The following CRYBG1 variants were observed in gnomAD, a reference collection of about 807,000 sequenced individuals.
CRYBG1 encodes crystallin beta-gamma domain containing 1, also known as beta/gamma crystallin domain-containing protein 1.
In CRYBG1, 139 loss-of-function variants were observed where a neutral mutation model predicts 189.2. The ratio of observed to expected loss-of-function variants is 0.73; its 90% CI spans 0.64 to 0.85. CRYBG1 has a LOEUF of 0.85. Among genes scored for constraint, CRYBG1 ranks in the 40% least tolerant of loss-of-function variants. The probability of loss-of-function intolerance (pLI) is 0.00; values close to 1 mark genes in which losing one functional copy is unlikely to be tolerated. For synonymous variants in CRYBG1, 1,023 were observed against 1,017.1 expected, an observed-to-expected ratio of 1.01 and a Z score of -0.11; for missense variants, 2,611 against 2,675.8, an observed-to-expected ratio of 0.98 and a Z score of 0.53.
intron 1 of CRYBG1, among the ~76,000 whole-genome samples, chr6:106,415,336 T>C (rs112330585): frequency 1.3e-5 from 2 of 152,332 alleles, no homozygotes; most frequent in African/African-American, 4.8e-5. Context: ...TATATAAAAG[T>C]AATCTCCAGC....
intron 1 of CRYBG1, among the ~76,000 whole-genome samples, chr6:106,397,899 A>G (rs1342079571): frequency 6.6e-6 from 1 of 152,198 alleles, no homozygotes; most frequent in East Asian, 1.9e-4. Context: ...CTCAGTGTCA[A>G]TGGAAACTAT....
intron 1 of CRYBG1, among the ~76,000 whole-genome samples, chr6:106,428,877 A>T (rs1771275247): frequency 6.6e-6 from 1 of 152,212 alleles, no homozygotes; most frequent in African/African-American, 2.4e-5. Context: ...GCAGTAAGAG[A>T]TCAGGTGTTC....
intron 9 of CRYBG1, 146 bp downstream of exon 9, chr6:106,539,675 A>G: frequency 2.4e-6 from 2 of 844,966 alleles, no homozygotes; most frequent in Non-Finnish European, 3.5e-6. Context: ...GAAATCATGG[A>G]AAGAATAACT....
At position 106,569,739 on chromosome 6, in the gene CRYBG1, A is replaced by T. The variant is rs1775001174; in HGVS notation, c.*1173A>T. On this transcript the variant is annotated 3_prime_UTR_variant, in exon 22 of 22. Transcript: ENST00000633556. Reference sequence around the variant, plus strand: ...CTTGTCCTCCTATCCACCTGCATCCACACATGGCCTGCATGGGGCTGCCTT... The same window carrying T: ...CTTGTCCTCCTATCCACCTGCATCCTCACATGGCCTGCATGGGGCTGCCTT... 3 of 152,262 alleles carry T rather than the reference A, an allele frequency of 2.0e-5. No individual in the cohort carries two copies. Among genetic ancestry groups the T allele is most frequent in the African/African-American group, 7.2e-5 (3 of 41,554 alleles). The allele number at this position is 152,262 out of a possible 1,614,324, so 9.4% of individuals were successfully genotyped here. A position where few individuals can be genotyped will look rare whatever the true frequency, so the allele number is the denominator to read the frequency against.
intron 2 of CRYBG1, among the ~76,000 whole-genome samples, chr6:106,467,201 G>A (rs1454104284): frequency 6.6e-6 from 1 of 152,170 alleles, no homozygotes; most frequent in Non-Finnish European, 1.5e-5. Flanking sequence ...GGTGGCTTAT[G>A]TCTATAATCC....
chr6:106,542,416 G>A (rs1774154245), intron 10 of CRYBG1, among the ~76,000 whole-genome samples: 1 of 150,440 alleles, frequency 6.6e-6, no homozygotes, highest in African/African-American at 2.4e-5. Flanking sequence ...CTGAATAGCT[G>A]GGACTATAGG....
intron 2 of CRYBG1, among the ~76,000 whole-genome samples, chr6:106,508,884 A>C (rs1773184232): frequency 1.3e-5 from 2 of 151,690 alleles, no homozygotes; most frequent in Admixed American, 1.3e-4. Flanking sequence ...GTTGAAGAGC[A>C]AGCAACCAGT....
At chr6:106,534,018 G>C (rs907234815) in intron 8 of CRYBG1, among the ~76,000 whole-genome samples, 3 of 152,160 alleles carry the variant, frequency 2.0e-5, no homozygotes, top group Admixed American at 6.5e-5. Flanking sequence ...AAAAGAAAAT[G>C]CCTTCATCTC....
chr6:106,540,916 A>G (rs1774114197), intron 9 of CRYBG1, among the ~76,000 whole-genome samples: 1 of 151,996 alleles, frequency 6.6e-6, no homozygotes, highest in African/African-American at 2.4e-5. Context: ...CATTTCTCTG[A>G]TTTTAGTGAG....
intron 13 of CRYBG1, among the ~76,000 whole-genome samples, chr6:106,549,991 G>T (rs1444839684): frequency 6.6e-6 from 1 of 152,208 alleles, no homozygotes; most frequent in Non-Finnish European, 1.5e-5. Flanking sequence ...AGGAGAGCCT[G>T]GTGGGCCTCA....
chr6:106,472,924 AAG>A (rs1554238758), intron 2 of CRYBG1, among the ~76,000 whole-genome samples: 1 of 151,280 alleles, frequency 6.6e-6, no homozygotes, highest in African/African-American at 2.4e-5. Context: ...AAAAAAAAAA[AAG>A]AAAGTATATT....
chr6:106,475,550 T>C (rs78975834), intron 2 of CRYBG1, among the ~76,000 whole-genome samples: 9,154 of 152,250 alleles, frequency 0.06, 404 homozygotes, highest in East Asian at 0.13. Context: ...AGGCAAGCAC[T>C]ACGTGTGTTT....
At chr6:106,537,987 A>C (rs9486389) in intron 8 of CRYBG1, among the ~76,000 whole-genome samples, 25,558 of 152,250 alleles carry the variant, frequency 0.17, 2,240 homozygotes, top group Non-Finnish European at 0.21. Context: ...AGAAGAAAAA[A>C]GCAAAGAGGG....
chr6:106,473,614 TG>T (rs1772279830), intron 2 of CRYBG1, among the ~76,000 whole-genome samples: 2 of 152,276 alleles, frequency 1.3e-5, no homozygotes, highest in South Asian at 2.1e-4. Context: ...ATAGAGAGAA[TG>T]CCACTAACAA....
chr6:106,484,315 G>A (rs1328425630), intron 2 of CRYBG1, among the ~76,000 whole-genome samples: 1 of 151,954 alleles, frequency 6.6e-6, no homozygotes, highest in Non-Finnish European at 1.5e-5. Flanking sequence ...TTGTTTAGAG[G>A]CAAGGTGTCA....
chr6:106,498,643 G>A (rs1158998911), intron 2 of CRYBG1, among the ~76,000 whole-genome samples: 1 of 152,166 alleles, frequency 6.6e-6, no homozygotes, highest in Non-Finnish European at 1.5e-5. Context: ...GGGAGGCTGA[G>A]GTGGGCAGAT....
At chr6:106,430,893 G>T (rs2004413) in intron 1 of CRYBG1, among the ~76,000 whole-genome samples, 4 of 151,806 alleles carry the variant, frequency 2.6e-5, no homozygotes, top group African/African-American at 9.7e-5. Flanking sequence ...ATGGAGTCTC[G>T]CTCTGTCACC....
At chr6:106,448,563 A>T (rs1351947369) in intron 1 of CRYBG1, among the ~76,000 whole-genome samples, 3 of 152,216 alleles carry the variant, frequency 2.0e-5, no homozygotes, top group Admixed American at 2.0e-4. Context: ...CACAGGGTTC[A>T]ACACGCTACA....
At chr6:106,543,310 G>A (rs1774178377) in intron 10 of CRYBG1, 130 bp from the exon 11 acceptor site, 7 of 870,652 alleles carry the variant, frequency 8.0e-6, no homozygotes, top group Admixed American at 7.7e-5. Context: ...GATAACAGGC[G>A]TGAGCCACCG....
Sources: gnomAD v4.1 joint callset for allele counts (sites outside exome capture counted in the v4.1 genomes callset) on GRCh38, gnomAD v4.1.1 for gene constraint, MANE v1.5 for transcripts, NCBI Gene and HGNC (gene_info 2026-07-23, HGNC 2026-07-21) for gene names.